DLEU7: variants seen among roughly 807,000 people sequenced by gnomAD.
DLEU7 encodes deleted in lymphocytic leukemia 7.
A neutral mutation model predicts 16.0 loss-of-function variants in DLEU7; 17 were observed. The observed-to-expected ratio is 1.06, with a 90% CI of 0.73 to 1.59. The LOEUF (loss-of-function observed/expected upper bound fraction) is 1.59. DLEU7 is among the 40% of genes most tolerant of loss of function. The pLI, the probability that DLEU7 is intolerant of heterozygous loss-of-function variation, is 0.00. For synonymous variants in DLEU7, 113 were observed against 139.8 expected, an observed-to-expected ratio of 0.81 and a Z score of 1.35; for missense variants, 308 against 314.9, an observed-to-expected ratio of 0.98 and a Z score of 0.17.
intron 1 of DLEU7, among the ~76,000 whole-genome samples, chr13:50,767,434 C>T (rs945287964): frequency 7.4e-5 from 9 of 121,904 alleles, no homozygotes; most frequent in Non-Finnish European, 1.1e-4. Context: ...CCAGCCTGGG[C>T]GACAGAGCGA....
chr13:50,714,888 T>C (rs942493572), intron 1 of DLEU7, among the ~76,000 whole-genome samples: 17 of 152,230 alleles, frequency 1.1e-4, no homozygotes, highest in African/African-American at 3.6e-4. Context: ...CTCACAGTTC[T>C]GTAGGTTAGA....
At chr13:50,712,905 G>T in exon 2 of DLEU7, 5 of 344,494 alleles carry the variant, frequency 1.5e-5, no homozygotes, top group African/African-American at 4.2e-5. Context: ...GAGCAAACAG[G>T]GGTAGGGAAT....
At chr13:50,717,718 A>C (rs1873479579) in intron 1 of DLEU7, among the ~76,000 whole-genome samples, 2 of 152,174 alleles carry the variant, frequency 1.3e-5, no homozygotes, top group South Asian at 4.1e-4. Context: ...ATAGCTATTA[A>C]AAATTAAGAC....
chr13:50,722,423 C>A (rs1873648760), intron 1 of DLEU7, among the ~76,000 whole-genome samples: 1 of 152,182 alleles, frequency 6.6e-6, no homozygotes, highest in Admixed American at 6.5e-5. Context: ...ATCCTCAAGT[C>A]AATAAATATT....
chr13:50,803,504 A>G (rs1876303610), intron 1 of DLEU7, among the ~76,000 whole-genome samples: 1 of 152,260 alleles, frequency 6.6e-6, no homozygotes, highest in Non-Finnish European at 1.5e-5. Context: ...GTGGCTCTTG[A>G]ACACTTGAAA....
At chr13:50,819,815 T>G (rs778032699), downstream of DLEU7, among the ~76,000 whole-genome samples, 1 of 152,142 alleles carries the variant, frequency 6.6e-6, no homozygotes, top group Non-Finnish European at 1.5e-5. Flanking sequence ...CTGTAGTCAG[T>G]TGAACACAGA....
intron 1 of DLEU7, among the ~76,000 whole-genome samples, chr13:50,824,913 T>A (rs1877033267): frequency 6.6e-6 from 1 of 152,204 alleles, no homozygotes; most frequent in African/African-American, 2.4e-5. Flanking sequence ...TGGGACAAGA[T>A]TAAACTCTAA....
rs552639350 is a variant in DLEU7, at chr13:50,807,260, C to T, written c.459+35928G>A. 1.5e-4 allele frequency among the ~76,000 whole-genome samples: 23 copies of T among 151,888 alleles called. No homozygotes were observed. In the East Asian group the frequency reaches 2.5e-3, roughly 17 times the overall value. ...TCAGAGATATAAAATGATACTATAC[C>T]GGCTTCCTTAAGAAGCTTTCTATTA... On this transcript the variant is annotated intron_variant, in intron 1 of 1. Coordinates refer to the DLEU7 transcript ENST00000400393.
At chr13:50,744,527 G>C (rs1321185717) in intron 1 of DLEU7, among the ~76,000 whole-genome samples, 1 of 152,148 alleles carries the variant, frequency 6.6e-6, no homozygotes, top group Non-Finnish European at 1.5e-5. Flanking sequence ...GGCTCAGTAA[G>C]CATACTTTTG....
Position 50,826,275 on chromosome 13 carries a change from T to C in DLEU7, c.460-2755A>G, listed in dbSNP as rs543618757. ...CTAACAGGCCACAGACCAGTTCCTG[T>C]TCATGGCCCAGGGGTTAGGGACCTG... On this transcript the variant is annotated intron_variant, in intron 1 of 1. Coordinates refer to ENST00000504404, the MANE Select transcript of DLEU7 (RefSeq NM_001306135.2). 2.2e-3 allele frequency among the ~76,000 whole-genome samples: 328 copies of C among 152,208 alleles called. 1 individual carries two copies. The highest frequency in any genetic ancestry group is 7.3e-3 in the African/African-American group (303 of 41,536).
intron 1 of DLEU7, among the ~76,000 whole-genome samples, chr13:50,779,664 C>T (rs886510205): frequency 1.3e-5 from 2 of 152,100 alleles, no homozygotes; most frequent in Non-Finnish European, 2.9e-5. Context: ...ACTTCCTCTC[C>T]CAGGTCTCAC....
intron 1 of DLEU7, among the ~76,000 whole-genome samples, chr13:50,766,480 T>C (rs1435691761): frequency 6.6e-6 from 1 of 151,830 alleles, no homozygotes; most frequent in Non-Finnish European, 1.5e-5. Flanking sequence ...CTTCTCTTCC[T>C]ACTCCTCCTC....
chr13:50,779,385 C>T (rs1034078218), intron 1 of DLEU7, among the ~76,000 whole-genome samples: 16 of 152,106 alleles, frequency 1.1e-4, no homozygotes, highest in African/African-American at 2.4e-4. Context: ...CAAGGGAATT[C>T]GTTATTATTA....
intron 1 of DLEU7, among the ~76,000 whole-genome samples, chr13:50,738,994 CACACACACACGCACACACACACAA>C (rs1335577153): frequency 9.5e-6 from 1 of 104,868 alleles, no homozygotes; most frequent in Non-Finnish European, 1.8e-5. Context: ...CACACACACA[CACACACACACGCACACACACACAA>C]ACACTGGCCA....
In DLEU7 at chr13:50,843,207, G is replaced by T. The variant is rs371561430; in HGVS notation, c.440C>A (p.Ser147Tyr). The change falls in exon 1 of 2, where the codon TCC becomes TAC. Residue 147 changes from serine to tyrosine, a missense_variant. Coordinates refer to ENST00000504404, the MANE Select transcript of DLEU7 (RefSeq NM_001306135.2). This position sits in a 1 kb window ranked among gnomAD's most constrained non-coding sequence, Gnocchi z 5.7. ...TLLGPLQQER[S>Y]FPIHLKDSVE... is the part of the protein sequence containing the mutation. ...ACTCACCTTCAGGTGAATGGGAAAG[G>T]ACCGCTCCTGCTGGAGGGGCCCCAG... The T allele has an allele frequency of 6.3e-4, 1,008 of 1,593,486 alleles. 14 individuals are homozygous for T. In the South Asian group the frequency reaches 0.011, roughly 17 times the overall value.
intron 1 of DLEU7, among the ~76,000 whole-genome samples, chr13:50,738,940 G>C (rs985723598): frequency 2.0e-5 from 3 of 150,106 alleles, no homozygotes; most frequent in Non-Finnish European, 4.4e-5. Flanking sequence ...ACATCTCCCA[G>C]TGAGCAGCCT....
At chr13:50,736,263 A>G (rs2812247) in intron 1 of DLEU7, among the ~76,000 whole-genome samples, 14,032 of 152,176 alleles carry the variant, frequency 0.092, 668 homozygotes, top group East Asian at 0.15. Flanking sequence ...AGAAAACCAA[A>G]TACCATGTGT....
chr13:50,799,846 T>G (rs961415203), intron 1 of DLEU7, among the ~76,000 whole-genome samples: 6 of 152,240 alleles, frequency 3.9e-5, no homozygotes, highest in African/African-American at 1.4e-4. Context: ...TATTGCATTG[T>G]CTTCATTCTC....
At chr13:50,744,850 C>T (rs1874348875) in intron 1 of DLEU7, among the ~76,000 whole-genome samples, 1 of 152,120 alleles carries the variant, frequency 6.6e-6, no homozygotes. Context: ...TACGGAAATG[C>T]AGATCAAAAC....
Sources: allele counts gnomAD v4.1 joint callset (sites outside exome capture counted in the v4.1 genomes callset), GRCh38; gene constraint gnomAD v4.1.1; non-coding constraint Gnocchi (gnomAD v3.1); transcripts MANE v1.5; gene names NCBI Gene and HGNC (gene_info 2026-07-23, HGNC 2026-07-21).